The following IPO5 variants were observed in gnomAD, a reference collection of about 807,000 sequenced individuals.
IPO5 encodes importin 5.
In IPO5, 18 loss-of-function variants were observed where a neutral mutation model predicts 143.3. That is an observed-to-expected ratio of 0.13 (90% CI 0.09 to 0.19). The LOEUF (loss-of-function observed/expected upper bound fraction) is 0.19, where lower values mean the gene tolerates loss of function less well. IPO5 is among the 10% of genes least tolerant of loss of function. IPO5 has a pLI of 1.00. For missense variants in IPO5, 1,013 were observed against 1,336.9 expected, an observed-to-expected ratio of 0.76 and a Z score of 3.78; for synonymous variants, 477 against 465.7, an observed-to-expected ratio of 1.02 and a Z score of -0.31.
chr13:98,021,697 C>A, intron 28 of IPO5, 39 bp from the exon 29 acceptor site: 3 of 1,236,744 alleles, frequency 2.4e-6, no homozygotes, highest in Non-Finnish European at 3.4e-6. Flanking sequence ...TCCAAATGAG[C>A]ATTTCGTCCT....
chr13:97,973,038 CTTTTTTT>C (rs34572861), intron 3 of IPO5, among the ~76,000 whole-genome samples: 27 of 76,334 alleles, frequency 3.5e-4, no homozygotes, highest in Middle Eastern at 7.7e-3. Context: ...CTTTTATCTT[CTTTTTTT>C]TTTTTTTTTT....
chr13:98,012,406 AT>A, intron 21 of IPO5, 64 bp downstream of exon 21: 1 of 987,482 alleles, frequency 1.0e-6, no homozygotes, highest in Non-Finnish European at 1.6e-6. Flanking sequence ...TTCTTGGAGT[AT>A]TAGACAGTGT....
chr13:98,003,826 A>G (rs1443526734), intron 16 of IPO5, among the ~76,000 whole-genome samples: 2 of 152,108 alleles, frequency 1.3e-5, no homozygotes, highest in African/African-American at 4.8e-5. Context: ...CAACCTGGGC[A>G]ACAAGAGCAA....
In IPO5 at chr13:98,012,009, A is replaced by G. The variant is rs534139187; in HGVS notation, c.2056-237A>G. Among the ~76,000 whole-genome samples the G allele has an allele frequency of 9.2e-5, 14 of 151,900 alleles. No individual in the cohort carries two copies. The South Asian group carries it at 2.5e-3, about 27-fold the overall frequency. ...AGCCTTTGAAGGGACAATATATACG[A>G]CAATAATTTCCTTTTTTTTTTTCTT... is the stretch of plus-strand genomic sequence containing the variant. On this transcript the variant is annotated intron_variant, in intron 20 of 28. Transcript: ENST00000651721.
intron 16 of IPO5, among the ~76,000 whole-genome samples, chr13:98,004,255 A>C (rs1889033620): frequency 6.6e-6 from 1 of 152,274 alleles, no homozygotes; most frequent in Admixed American, 6.5e-5. Context: ...CACAGTTTGC[A>C]TAGCACTGGC....
chr13:98,021,422 AT>A, intron 28 of IPO5: 1 of 353,918 alleles, frequency 2.8e-6, no homozygotes, highest in Non-Finnish European at 5.0e-6. Context: ...AAAAAACAAG[AT>A]TTAATAATAA....
At chr13:97,992,136 A>G (rs1887856315) in intron 9 of IPO5, among the ~76,000 whole-genome samples, 1 of 152,238 alleles carries the variant, frequency 6.6e-6, no homozygotes, top group South Asian at 2.1e-4. Context: ...ATTGTAACAT[A>G]CTATTGCTTT....
chr13:97,957,749 T>C (rs1405072581), intron 2 of IPO5, among the ~76,000 whole-genome samples: 1 of 152,206 alleles, frequency 6.6e-6, no homozygotes, highest in Admixed American at 6.5e-5. Context: ...TAGGGCCTAC[T>C]TGTTCAGCCC....
intron 20 of IPO5, among the ~76,000 whole-genome samples, chr13:98,011,250 A>G (rs1404476007): frequency 3.9e-5 from 6 of 152,102 alleles, no homozygotes; most frequent in Non-Finnish European, 8.8e-5. Flanking sequence ...GTAGAAGAGA[A>G]TGAAACAATT....
chr13:98,006,306 T>C lies in IPO5; in HGVS notation c.1674T>C (p.Ile558=), dbSNP rs763795375. ...TGAGACTTCTGAGAGGAAAAACTAT[T>C]GAATGCATTAGCCTCATTGGTCTGG... is the stretch of plus-strand genomic sequence containing the variant. ...KELRLLRGKT[I]ECISLIGLAV... is the part of the protein sequence containing the mutation. Residue 558 remains isoleucine, a synonymous_variant, in exon 17 of 29, where the codon ATT becomes ATC. Coordinates refer to ENST00000651721, the MANE Select transcript of IPO5 (RefSeq NM_002271.6). 1 of 1,610,736 alleles carries C rather than the reference T, an allele frequency of 6.2e-7. No homozygotes were observed. The highest frequency in any genetic ancestry group is 1.7e-5 in the Admixed American group (1 of 59,844).
rs761490200 is a variant in IPO5, at chr13:98,023,691, A to C, written c.*1869A>C. On this transcript the variant is annotated 3_prime_UTR_variant, in exon 29 of 29. Coordinates refer to ENST00000651721, the MANE Select transcript of IPO5 (RefSeq NM_002271.6). ...CAGATGCCGTTAGTATCTGAGATGT[A>C]CTTACAGCAGGGTTCTAAGAGCTCT... 6.6e-6 allele frequency: 1 copy of C among 152,166 alleles called. No individual in the cohort carries two copies. Among genetic ancestry groups the C allele is most frequent in the South Asian group, 2.1e-4 (1 of 4,828 alleles). 9.4% of individuals were successfully genotyped at this position (152,166 alleles called of 1,614,324 possible).
In IPO5 at chr13:98,015,660, T is replaced by C. The variant is rs1890075874; in HGVS notation, c.2437+19T>C. ...CGACAAGGTAAGTTTTCCATGCTTT[T>C]ATTTCTGAATATAATCCTTGACCAT... On this transcript the variant is annotated intron_variant, in intron 23 of 28. Coordinates refer to ENST00000651721, the MANE Select transcript of IPO5 (RefSeq NM_002271.6). 6.3e-7 allele frequency: 1 copy of C among 1,583,500 alleles called. No individual in the cohort carries two copies. The highest frequency in any genetic ancestry group is 1.1e-5 in the South Asian group (1 of 88,828).
At chr13:98,011,197 TACAA>T (rs1889681697) in intron 20 of IPO5, among the ~76,000 whole-genome samples, 1 of 152,162 alleles carries the variant, frequency 6.6e-6, no homozygotes, top group African/African-American at 2.4e-5. Flanking sequence ...GGAAAGCAAA[TACAA>T]ATAATAACAT....
chr13:97,971,043 G>C (rs982138409), intron 3 of IPO5, among the ~76,000 whole-genome samples: 1 of 152,182 alleles, frequency 6.6e-6, no homozygotes, highest in Non-Finnish European at 1.5e-5. Context: ...GCTTGAGACA[G>C]GTTACCTTGG....
rs568589408 is a variant in IPO5, at chr13:98,006,356, A to ATTTTTTTTTTTTTTTT, written c.1716+29_1716+44dup. 15 of 556,876 alleles carry ATTTTTTTTTTTTTTTT rather than the reference A, an allele frequency of 2.7e-5. 3 individuals carry two copies. The African/African-American group carries it at 5.2e-4, about 19-fold the overall frequency. 34.5% of individuals were successfully genotyped at this position (556,876 alleles called of 1,614,324 possible). A position where few individuals can be genotyped will look rare whatever the true frequency, so the allele number is the denominator to read the frequency against. Reference sequence around the variant, plus strand: ...GCTGTTGGGAAGGAAAAAGTAAGTAATTTTTTTTTTTTTTTTTTTTTTTTT... The same window carrying ATTTTTTTTTTTTTTTT: ...GCTGTTGGGAAGGAAAAAGTAAGTAATTTTTTTTTTTTTTTTTTTTTTTTTTTTTTTTTTTTTTTTT... On this transcript the variant is annotated intron_variant, in intron 17 of 28. Coordinates refer to ENST00000651721, the MANE Select transcript of IPO5 (RefSeq NM_002271.6).
At chr13:97,955,485 G>A (rs1486239446) in intron 2 of IPO5, among the ~76,000 whole-genome samples, 1 of 152,076 alleles carries the variant, frequency 6.6e-6, no homozygotes, top group African/African-American at 2.4e-5. Context: ...AAAATGAGCG[G>A]GGAAAACACT....
At chr13:98,004,556 A>G (rs554414968) in intron 16 of IPO5, among the ~76,000 whole-genome samples, 376 of 152,276 alleles carry the variant, frequency 2.5e-3, no homozygotes, top group African/African-American at 8.8e-3. Flanking sequence ...GCAGTGAGGC[A>G]CTATATGGGT....
intron 16 of IPO5, among the ~76,000 whole-genome samples, chr13:98,003,871 G>A (rs1007587142): frequency 6.6e-6 from 1 of 151,898 alleles, no homozygotes; most frequent in Non-Finnish European, 1.5e-5. Context: ...TGAAAGAGAA[G>A]AAATTAAAAA....
At position 98,014,227 on chromosome 13, in the gene IPO5, C is replaced by A; in HGVS notation, c.2325+13C>A. ...TTCTTTTGCAAAGGTGAATATTTTT[C>A]TCTTAAAAAATATGTATAAGGTTGT... On this transcript the variant is annotated intron_variant, in intron 22 of 28. Transcript: ENST00000651721. The A allele has an allele frequency of 6.4e-7, 1 of 1,574,196 alleles. No homozygotes were observed. The highest frequency in any genetic ancestry group is 8.7e-7 in the Non-Finnish European group (1 of 1,150,104).
Sources: gnomAD v4.1 joint callset for allele counts (sites outside exome capture counted in the v4.1 genomes callset) on GRCh38, gnomAD v4.1.1 for gene constraint, MANE v1.5 for transcripts, NCBI Gene and HGNC (gene_info 2026-07-23, HGNC 2026-07-21) for gene names.